THSD7A: variants seen among roughly 807,000 people sequenced by gnomAD.
THSD7A encodes thrombospondin type-1 domain-containing protein 7A.
Under a neutral mutation model 231.3 loss-of-function variants are expected in THSD7A, and 96 were observed. The observed-to-expected ratio is 0.41, with a 90% CI of 0.35 to 0.49. The LOEUF is 0.49. Ranked by LOEUF, THSD7A falls within the 20% of genes least tolerant of loss-of-function variation. The pLI is 0.05. For synonymous variants in THSD7A, 940 were observed against 743.3 expected, an observed-to-expected ratio of 1.26 and a Z score of -4.30; for missense variants, 2,290 against 2,070.2, an observed-to-expected ratio of 1.11 and a Z score of -2.06.
chr7:11,706,611 T>A (rs1257766611), intron 1 of THSD7A, among the ~76,000 whole-genome samples: 2 of 138,044 alleles, frequency 1.4e-5, no homozygotes, highest in African/African-American at 2.6e-5. Flanking sequence ...TAAAATTGAC[T>A]AAAAATTTTA....
intron 11 of THSD7A, among the ~76,000 whole-genome samples, chr7:11,457,098 A>G (rs1282677236): frequency 6.6e-6 from 1 of 152,080 alleles, no homozygotes; most frequent in Non-Finnish European, 1.5e-5. Context: ...ATTCATATAT[A>G]TAATAAAAGT....
intron 4 of THSD7A, among the ~76,000 whole-genome samples, chr7:11,582,710 C>A (rs1295805373): frequency 6.6e-6 from 1 of 152,150 alleles, no homozygotes; most frequent in Non-Finnish European, 1.5e-5. Flanking sequence ...CCTCTCAGAA[C>A]TCTGAATATA....
At position 11,446,369 on chromosome 7, in the gene THSD7A, T is replaced by A; in HGVS notation, c.2801-45A>T. On this transcript the variant is annotated intron_variant, in intron 12 of 27. Transcript: ENST00000423059. This position sits in a 1 kb window ranked among gnomAD's most constrained non-coding sequence, Gnocchi z 4.0. ...AGGCAATTTAAGTTGGAAAATACCA[T>A]CATTAATTTCACACATCCCTAAATT... The A allele has an allele frequency of 6.4e-7, 1 of 1,565,928 alleles. No homozygotes were observed. The highest frequency in any genetic ancestry group is 8.6e-7 in the Non-Finnish European group (1 of 1,158,024).
intron 23 of THSD7A, among the ~76,000 whole-genome samples, chr7:11,397,782 C>G (rs1230971064): frequency 1.3e-5 from 2 of 152,080 alleles, no homozygotes; most frequent in African/African-American, 4.8e-5. Context: ...CATTATGCAG[C>G]CAACAAACAT....
chr7:11,777,214 G>A (rs756981652), intron 1 of THSD7A, among the ~76,000 whole-genome samples: 3 of 152,048 alleles, frequency 2.0e-5, no homozygotes, highest in African/African-American at 7.3e-5. Context: ...GGCATAAGGG[G>A]ACATTTGGTG....
At chr7:11,666,742 C>T (rs7812127) in intron 1 of THSD7A, among the ~76,000 whole-genome samples, 52,513 of 150,334 alleles carry the variant, frequency 0.35, 9,303 homozygotes, top group East Asian at 0.49. Flanking sequence ...TATATTTATA[C>T]ATGTTATAAA....
intron 9 of THSD7A, among the ~76,000 whole-genome samples, chr7:11,467,010 T>G (rs539261436): frequency 6.6e-6 from 1 of 152,036 alleles, no homozygotes; most frequent in Non-Finnish European, 1.5e-5. Flanking sequence ...ATAACACGAT[T>G]CAGTTTTTCA....
chr7:11,797,413 T>G (rs1784156656), intron 1 of THSD7A, among the ~76,000 whole-genome samples: 1 of 105,728 alleles, frequency 9.5e-6, no homozygotes, highest in African/African-American at 4.4e-5. Context: ...TGCCTCTCTC[T>G]TTTTTTTTTT....
At chr7:11,384,608 A>G (rs1782656655) in intron 23 of THSD7A, 1 of 152,008 alleles carries the variant, frequency 6.6e-6, no homozygotes. Context: ...TCATCCACTC[A>G]TTCTCCCACT....
chr7:11,399,956 A>G (rs1783337203), intron 23 of THSD7A, among the ~76,000 whole-genome samples: 1 of 152,162 alleles, frequency 6.6e-6, no homozygotes, highest in Admixed American at 6.5e-5. Flanking sequence ...TGTGGCACAT[A>G]TACACCATGG....
chr7:11,459,076 T>C (rs1217042150), intron 11 of THSD7A, among the ~76,000 whole-genome samples: 2 of 152,188 alleles, frequency 1.3e-5, no homozygotes, highest in African/African-American at 2.4e-5. Flanking sequence ...AGTGGTGTTT[T>C]ATAAAGATAT....
intron 1 of THSD7A, among the ~76,000 whole-genome samples, chr7:11,643,037 A>G (rs1268448036): frequency 1.3e-5 from 2 of 152,198 alleles, no homozygotes; most frequent in Non-Finnish European, 2.9e-5. Context: ...TGTTCCAAAG[A>G]GCCTTATAAA....
intron 2 of THSD7A, among the ~76,000 whole-genome samples, chr7:11,599,733 T>C (rs761144152): frequency 6.6e-5 from 10 of 152,180 alleles, no homozygotes; most frequent in Non-Finnish European, 1.3e-4. Context: ...GGGGTGGATC[T>C]GTGATGGTTA....
At chr7:11,784,223 C>T (rs1783719405) in intron 1 of THSD7A, among the ~76,000 whole-genome samples, 1 of 151,002 alleles carries the variant, frequency 6.6e-6, no homozygotes, top group Admixed American at 6.6e-5. Flanking sequence ...CATATATATA[C>T]ACATATATAT....
intron 1 of THSD7A, among the ~76,000 whole-genome samples, chr7:11,781,904 C>A (rs142622722): frequency 6.6e-6 from 1 of 152,178 alleles, no homozygotes; most frequent in East Asian, 1.9e-4. Context: ...ACAGTCGATA[C>A]ATTTTGAGTC....
rs777042983 is a variant in THSD7A at position 11,428,913 on chromosome 7, A to G, written c.3243+34T>C. 5.1e-6 allele frequency: 8 copies of G among 1,562,894 alleles called. No homozygotes were observed. The South Asian group carries it at 8.6e-5, about 17-fold the overall frequency. On this transcript the variant is annotated intron_variant, in intron 14 of 27. Transcript: ENST00000423059. Reference sequence around the variant, plus strand: ...AAAAATCAGATCATTGTGAATCTCAACAATATCTTAACACTGTCAATGATA... The same window carrying G: ...AAAAATCAGATCATTGTGAATCTCAGCAATATCTTAACACTGTCAATGATA...
chr7:11,685,561 G>A (rs10267943), intron 1 of THSD7A, among the ~76,000 whole-genome samples: 8,639 of 151,910 alleles, frequency 0.057, 822 homozygotes, highest in African/African-American at 0.2. Flanking sequence ...GTAGGCAAAA[G>A]CCATAAATGG....
chr7:11,829,267 T>C (rs1785120176), intron 1 of THSD7A, among the ~76,000 whole-genome samples: 1 of 151,952 alleles, frequency 6.6e-6, no homozygotes, highest in Non-Finnish European at 1.5e-5. Context: ...TATATACCCT[T>C]ATTTGTTGTA....
At chr7:11,506,832 G>C (rs1338405180) in intron 6 of THSD7A, among the ~76,000 whole-genome samples, 1 of 152,126 alleles carries the variant, frequency 6.6e-6, no homozygotes, top group African/African-American at 2.4e-5. Flanking sequence ...TCTTCCTAGA[G>C]AGTCTTTGCA....
Sources: gnomAD v4.1 joint callset for allele counts (sites outside exome capture counted in the v4.1 genomes callset) on GRCh38, gnomAD v4.1.1 for gene constraint, Gnocchi (gnomAD v3.1) non-coding constraint, MANE v1.5 for transcripts, NCBI Gene and HGNC (gene_info 2026-07-23, HGNC 2026-07-21) for gene names.